CFAP91: variants seen among roughly 807,000 people sequenced by gnomAD.
CFAP91 encodes the protein cilia and flagella associated protein 91.
Under a neutral mutation model 95.9 loss-of-function variants are expected in CFAP91, and 85 were observed. The observed-to-expected ratio is 0.89, with a 90% CI of 0.74 to 1.06. CFAP91 has a LOEUF of 1.06. CFAP91 is among the 50% of genes least tolerant of loss of function. CFAP91 has a pLI of 0.00. For missense variants in CFAP91, 962 were observed against 943.4 expected (o/e 1.02, Z -0.26); for synonymous variants, 335 against 327.5 (o/e 1.02, Z -0.25).
intron 3 of CFAP91, 50 bp from the exon 4 acceptor site, chr3:119,708,541 A>T (rs2053416551): frequency 8.3e-7 from 1 of 1,203,124 alleles, no homozygotes. Flanking sequence ...AATAGAAATT[A>T]TATGTGGAAA....
chr3:119,736,438 A>AT (rs1197656866), intron 10 of CFAP91, among the ~76,000 whole-genome samples: 183 of 144,858 alleles, frequency 1.3e-3, no homozygotes, highest in East Asian at 3.8e-3. Flanking sequence ...CGCCTGGCTA[A>AT]TTTTTTTTTT....
chr3:119,712,276 A>G (rs1189468546), intron 5 of CFAP91, among the ~76,000 whole-genome samples: 1 of 152,218 alleles, frequency 6.6e-6, no homozygotes, highest in Non-Finnish European at 1.5e-5. Flanking sequence ...ACCATGTATT[A>G]AGTTACTGAA....
intron 17 of CFAP91, among the ~76,000 whole-genome samples, chr3:119,763,350 C>T (rs2054572380): frequency 6.6e-6 from 1 of 152,006 alleles, no homozygotes; most frequent in Admixed American, 6.6e-5. Context: ...GAAAAGAGAA[C>T]CGTTGCACAT....
chr3:119,706,498 G>A, intron 1 of CFAP91: 1 of 250,504 alleles, frequency 4.0e-6, no homozygotes, highest in Non-Finnish European at 7.7e-6. Flanking sequence ...AAGGAGTTTT[G>A]TTCATAGGAG....
At chr3:119,738,270 A>G (rs967036337) in intron 11 of CFAP91, among the ~76,000 whole-genome samples, 1 of 136,760 alleles carries the variant, frequency 7.3e-6, no homozygotes, top group Non-Finnish European at 1.5e-5. Context: ...GCCAGCGGGG[A>G]TGTGCTGCTG....
intron 7 of CFAP91, among the ~76,000 whole-genome samples, chr3:119,727,894 C>A (rs1258192617): frequency 1.3e-5 from 2 of 152,064 alleles, no homozygotes; most frequent in African/African-American, 2.4e-5. Context: ...TCAGGTAGAC[C>A]AATACTTGAG....
chr3:119,720,326 G>T (rs986245271), intron 6 of CFAP91, among the ~76,000 whole-genome samples: 2 of 151,430 alleles, frequency 1.3e-5, no homozygotes, highest in Admixed American at 6.6e-5. Flanking sequence ...GAACCCGGGA[G>T]GCTCTGCTTG....
chr3:119,720,087 CA>C lies in CFAP91; in HGVS notation c.682+4357del, dbSNP rs71293248. Among the ~76,000 whole-genome samples, 816 of 124,204 alleles carry C rather than the reference CA, an allele frequency of 6.6e-3. 3 individuals carry two copies. Among genetic ancestry groups the C allele is most frequent in the African/African-American group, 0.02 (690 of 33,732 alleles). The allele number at this position is 124,204 out of a possible 152,430, so 81.5% of individuals were successfully genotyped here. A position where few individuals can be genotyped will look rare whatever the true frequency, so the allele number is the denominator to read the frequency against. ...GAGACTCCGTCTCAAATACATAAAT[CA>C]AAAAAAAAAAAACTTAGGGGCCGGA... is the stretch of plus-strand genomic sequence containing the variant. On this transcript the variant is annotated intron_variant, in intron 6 of 17. Coordinates refer to ENST00000273390, the MANE Select transcript of CFAP91 (RefSeq NM_033364.4).
In CFAP91 at chr3:119,724,116, C is replaced by T. The variant is rs1006589357; in HGVS notation, c.683-2055C>T. Among the ~76,000 whole-genome samples, 38 of 146,110 alleles carry T rather than the reference C, an allele frequency of 2.6e-4. 1 individual carries two copies. Among genetic ancestry groups the T allele is most frequent in the African/African-American group, 7.2e-4 (28 of 38,688 alleles). ...CTGGGAGGCAGAGGTTGCAGGGAGC[C>T]GAGATCGTGCCATTGCACTCCAGCC... On this transcript the variant is annotated intron_variant, in intron 6 of 17. Transcript: ENST00000273390.
intron 14 of CFAP91, among the ~76,000 whole-genome samples, chr3:119,745,543 GATATAC>G (rs1321922770): frequency 6.6e-6 from 1 of 152,140 alleles, no homozygotes; most frequent in Admixed American, 6.5e-5. Flanking sequence ...CATTTATAAA[GATATAC>G]ATAAACACAC....
At chr3:119,756,674 A>G (rs181132655) in intron 17 of CFAP91, among the ~76,000 whole-genome samples, 303 of 152,324 alleles carry the variant, frequency 2.0e-3, no homozygotes, top group Admixed American at 3.1e-3. Flanking sequence ...GGATAAAAGT[A>G]TAAGTTGACA....
At chr3:119,760,952 T>C (rs2107925382) in intron 17 of CFAP91, among the ~76,000 whole-genome samples, 1 of 151,496 alleles carries the variant, frequency 6.6e-6, no homozygotes, top group South Asian at 2.1e-4. Flanking sequence ...AACGTAATAT[T>C]ACACCTCAAA....
In CFAP91 at chr3:119,727,544, C is replaced by G. The variant is rs545451453; in HGVS notation, c.860+1196C>G. On this transcript the variant is annotated intron_variant, in intron 7 of 17. Coordinates refer to ENST00000273390, the MANE Select transcript of CFAP91 (RefSeq NM_033364.4). ...TTGAGTCCCTTTTACATGCTAGACT[C>G]TGTGCTGTGAGTTGGGAAAATAGGG... 3.9e-5 allele frequency among the ~76,000 whole-genome samples: 6 copies of G among 152,290 alleles called. No homozygotes were observed. In the East Asian group the frequency reaches 1.2e-3, roughly 29 times the overall value.
chr3:119,738,843 T>G (rs2054062577), intron 11 of CFAP91, among the ~76,000 whole-genome samples: 2 of 152,222 alleles, frequency 1.3e-5, no homozygotes, highest in African/African-American at 4.8e-5. Context: ...TAAATTCTTG[T>G]GAGAAGTACC....
At chr3:119,726,825 C>T (rs2107880026) in intron 7 of CFAP91, among the ~76,000 whole-genome samples, 1 of 121,216 alleles carries the variant, frequency 8.2e-6, no homozygotes, top group East Asian at 3.0e-4. Flanking sequence ...CACCCCCCAC[C>T]CCGACCCAAG....
chr3:119,707,172 A>G (rs2053381054), intron 2 of CFAP91: 3 of 538,314 alleles, frequency 5.6e-6, no homozygotes, highest in Non-Finnish European at 9.9e-6. Context: ...AAAAGCATAT[A>G]CAGTGTGAAG....
chr3:119,726,452 T>C, intron 7 of CFAP91, 104 bp downstream of exon 7: 1 of 1,115,116 alleles, frequency 9.0e-7, no homozygotes, highest in South Asian at 1.8e-5. Context: ...TGAAAAGCAA[T>C]CCTCAACCTA....
chr3:119,737,483 G>A lies in CFAP91; in HGVS notation c.1461+1G>A, dbSNP rs754808985. ...TCCAACCTTGGAAATGACGTCCAAT[G>A]TAAGTTGGAAACTTTTTAGTTGAAA... On this transcript the variant is annotated splice_donor_variant, in intron 11 of 17. Transcript: ENST00000273390. LOFTEE classifies it high-confidence loss of function. 17 of 1,563,260 alleles carry A rather than the reference G, an allele frequency of 1.1e-5. No homozygotes were observed. Among genetic ancestry groups the A allele is most frequent in the African/African-American group, 1.4e-5 (1 of 72,806 alleles).
intron 7 of CFAP91, among the ~76,000 whole-genome samples, chr3:119,727,928 C>G (rs2053815513): frequency 6.6e-6 from 1 of 151,962 alleles, no homozygotes. Flanking sequence ...AGATTTTTTG[C>G]ACCGTCTCCT....
Sources: allele counts gnomAD v4.1 joint callset (sites outside exome capture counted in the v4.1 genomes callset), GRCh38; gene constraint gnomAD v4.1.1; transcripts MANE v1.5; gene names NCBI Gene and HGNC (gene_info 2026-07-23, HGNC 2026-07-21).